Variants in STX8 observed in about 807,000 individuals in gnomAD.
STX8 encodes syntaxin-8.
Under a neutral mutation model 37.5 loss-of-function variants are expected in STX8, and 23 were observed. The observed-to-expected ratio is 0.61, with a 90% CI of 0.44 to 0.87. STX8 has a LOEUF of 0.87. Ranked by LOEUF, STX8 falls within the 40% of genes least tolerant of loss-of-function variation. The probability of loss-of-function intolerance (pLI) is 0.00; values close to 1 mark genes in which losing one functional copy is unlikely to be tolerated. For synonymous variants in STX8, 115 were observed against 99.1 expected, an observed-to-expected ratio of 1.16 and a Z score of -0.95; for missense variants, 313 against 284.7, an observed-to-expected ratio of 1.10 and a Z score of -0.71.
At chr17:9,493,347 TG>T (rs1347189592) in intron 5 of STX8, among the ~76,000 whole-genome samples, 1 of 152,242 alleles carries the variant, frequency 6.6e-6, no homozygotes, top group Middle Eastern at 3.2e-3. Flanking sequence ...TCAGAGTTTT[TG>T]CTTCCTGGCT....
intron 7 of STX8, among the ~76,000 whole-genome samples, chr17:9,332,527 T>C (rs989553139): frequency 3.9e-5 from 6 of 152,236 alleles, no homozygotes; most frequent in Admixed American, 2.6e-4. Context: ...TCCAAGGAAC[T>C]GGAGACTATT....
At chr17:9,288,227 C>T (rs375073566) in intron 7 of STX8, among the ~76,000 whole-genome samples, 58 of 128,920 alleles carry the variant, frequency 4.5e-4, no homozygotes, top group African/African-American at 1.3e-3. Flanking sequence ...CAAGATACAA[C>T]GCAAAGAACA....
Position 9,349,087 on chromosome 17 carries a change from G to A in STX8, c.643+29465C>T, listed in dbSNP as rs937894509. On this transcript the variant is annotated intron_variant, in intron 7 of 7. Coordinates refer to ENST00000306357, the MANE Select transcript of STX8 (RefSeq NM_004853.3). The stretch of plus-strand genomic sequence containing the variant: ...GCTCACTGCAACCTCTGCCTTCCGG[G>A]TTCAAGTGATTCTCCTGCCTCAGCC... Among the ~76,000 whole-genome samples, 4 of 152,094 alleles carry A rather than the reference G, an allele frequency of 2.6e-5. No homozygotes were observed. In the South Asian group the frequency reaches 6.2e-4, roughly 24 times the overall value.
intron 6 of STX8, among the ~76,000 whole-genome samples, chr17:9,468,723 G>A (rs919564242): frequency 5.3e-5 from 8 of 152,178 alleles, no homozygotes; most frequent in African/African-American, 1.9e-4. Context: ...CCAAGGACCC[G>A]GCCTTCCCAG....
intron 5 of STX8, among the ~76,000 whole-genome samples, chr17:9,498,381 C>T (rs1176472220): frequency 7.1e-6 from 1 of 140,348 alleles, no homozygotes; most frequent in Admixed American, 7.3e-5. Flanking sequence ...CAGAGTGAGA[C>T]ACCATCTCAA....
chr17:9,394,267 G>A (rs1047205734), intron 6 of STX8, among the ~76,000 whole-genome samples: 1 of 152,094 alleles, frequency 6.6e-6, no homozygotes, highest in African/African-American at 2.4e-5. Context: ...GGGAGAGAGA[G>A]CAAAGTGTCT....
intron 1 of STX8, among the ~76,000 whole-genome samples, chr17:9,574,139 C>T (rs1160305867): frequency 6.6e-6 from 1 of 151,744 alleles, no homozygotes; most frequent in African/African-American, 2.4e-5. Flanking sequence ...GGCGTGGCTG[C>T]GTGCGCCTGT....
At position 9,298,814 on chromosome 17, in the gene STX8, A is replaced by G. The variant is rs1465748207; in HGVS notation, c.644-48169T>C. Among the ~76,000 whole-genome samples the G allele has an allele frequency of 3.6e-4, 54 of 152,072 alleles. 1 individual carries two copies. Among genetic ancestry groups the G allele is most frequent in the Non-Finnish European group, 2.9e-5 (2 of 68,032 alleles). ...GCAACAAGAGCGAAACTCTGTCTCA[A>G]AAACAAACAAAACAAAACAAAACAA... On this transcript the variant is annotated intron_variant, in intron 7 of 7. Coordinates refer to ENST00000306357, the MANE Select transcript of STX8 (RefSeq NM_004853.3).
intron 7 of STX8, among the ~76,000 whole-genome samples, chr17:9,366,138 A>G (rs1012787283): frequency 6.6e-6 from 1 of 152,202 alleles, no homozygotes; most frequent in Non-Finnish European, 1.5e-5. Context: ...CAGACAGGCT[A>G]TGTCTTAGAG....
chr17:9,403,102 C>G (rs573180034), intron 6 of STX8, among the ~76,000 whole-genome samples: 74 of 152,244 alleles, frequency 4.9e-4, no homozygotes, highest in African/African-American at 1.6e-3. Flanking sequence ...AGGGACACTC[C>G]ATAAGAGTCT....
intron 1 of STX8, among the ~76,000 whole-genome samples, chr17:9,572,076 A>G (rs975241573): frequency 2.6e-5 from 4 of 152,204 alleles, no homozygotes; most frequent in African/African-American, 7.2e-5. Flanking sequence ...AAGCAATTCA[A>G]CACAAAGAAG....
chr17:9,264,704 C>A (rs953922828), intron 7 of STX8, among the ~76,000 whole-genome samples: 1 of 152,152 alleles, frequency 6.6e-6, no homozygotes. Context: ...AAGGCAAATC[C>A]TTTTCTGGGC....
At chr17:9,445,810 T>TA in intron 6 of STX8, among the ~76,000 whole-genome samples, 1 of 151,630 alleles carries the variant, frequency 6.6e-6, no homozygotes, top group South Asian at 2.1e-4. Flanking sequence ...CATCTTTCCT[T>TA]AAAGAATATA....
chr17:9,435,487 ACTTTCATCGTT>A (rs754412997), intron 6 of STX8, among the ~76,000 whole-genome samples: 2 of 152,200 alleles, frequency 1.3e-5, no homozygotes, highest in Non-Finnish European at 2.9e-5. Flanking sequence ...ATGCATGCTG[ACTTTCATCGTT>A]ACTTATCTGG....
At chr17:9,293,320 C>T (rs1039869088) in intron 7 of STX8, among the ~76,000 whole-genome samples, 1 of 152,094 alleles carries the variant, frequency 6.6e-6, no homozygotes, top group African/African-American at 2.4e-5. Context: ...AGCTGGTAAC[C>T]AATGGAGCTG....
intron 4 of STX8, among the ~76,000 whole-genome samples, chr17:9,518,572 G>A (rs73973802): frequency 0.035 from 5,337 of 152,218 alleles, 294 homozygotes; most frequent in African/African-American, 0.12. Flanking sequence ...TCAGGCTGTA[G>A]GAACAGATGC....
At chr17:9,272,291 C>T (rs964987672) in intron 7 of STX8, among the ~76,000 whole-genome samples, 6 of 152,290 alleles carry the variant, frequency 3.9e-5, no homozygotes, top group South Asian at 4.1e-4. Context: ...CCACTAAGGA[C>T]GCTGCCTTCT....
chr17:9,364,533 T>C (rs1911163515), intron 7 of STX8, among the ~76,000 whole-genome samples: 1 of 152,080 alleles, frequency 6.6e-6, no homozygotes, highest in Admixed American at 6.6e-5. Context: ...ATTATTGTTG[T>C]TTATATTTTT....
intron 6 of STX8, among the ~76,000 whole-genome samples, chr17:9,428,422 A>T (rs1428193916): frequency 2.0e-5 from 3 of 152,106 alleles, no homozygotes; most frequent in African/African-American, 7.2e-5. Flanking sequence ...TTGTATTTTT[A>T]GTAGAGACGG....
Sources: gnomAD v4.1 joint callset for allele counts (sites outside exome capture counted in the v4.1 genomes callset) on GRCh38, gnomAD v4.1.1 for gene constraint, MANE v1.5 for transcripts, NCBI Gene and HGNC (gene_info 2026-07-23, HGNC 2026-07-21) for gene names.